ARHGAP15: variants seen among roughly 807,000 people sequenced by gnomAD.
ARHGAP15 encodes the protein rho GTPase-activating protein 15.
ARHGAP15 carries 51 observed loss-of-function variants against 63.7 expected under a neutral mutation model. That is an observed-to-expected ratio of 0.80 (90% CI 0.64 to 1.01). ARHGAP15 has a LOEUF of 1.01. ARHGAP15 is among the 50% of genes least tolerant of loss of function. The pLI, the probability that ARHGAP15 is intolerant of heterozygous loss-of-function variation, is 0.00. For missense variants in ARHGAP15, 560 were observed against 564.6 expected (o/e 0.99, Z 0.08); for synonymous variants, 191 against 193.8 (o/e 0.99, Z 0.12).
chr2:143,455,956 A>G (rs1194265690), intron 8 of ARHGAP15, among the ~76,000 whole-genome samples: 1 of 152,072 alleles, frequency 6.6e-6, no homozygotes, highest in Admixed American at 6.6e-5. Context: ...AGTAATAGAC[A>G]CAGAGTTAAA....
At chr2:143,647,655 G>C (rs550613396) in intron 12 of ARHGAP15, among the ~76,000 whole-genome samples, 2 of 152,008 alleles carry the variant, frequency 1.3e-5, no homozygotes, top group East Asian at 3.9e-4. Flanking sequence ...TCTCATTTGG[G>C]GAAAAAATTA....
chr2:143,740,870 C>T (rs1685935812), intron 13 of ARHGAP15, among the ~76,000 whole-genome samples: 1 of 152,020 alleles, frequency 6.6e-6, no homozygotes, highest in Non-Finnish European at 1.5e-5. Flanking sequence ...TTTGCAAATG[C>T]TAATACCATC....
intron 11 of ARHGAP15, among the ~76,000 whole-genome samples, chr2:143,604,905 GTTTTGTTTTTGT>G (rs780329928): frequency 6.6e-6 from 1 of 151,508 alleles, no homozygotes; most frequent in African/African-American, 2.4e-5. Context: ...GTTTTGTTTT[GTTTTGTTTTTGT>G]TTTTGTTTTT....
chr2:143,321,138 G>T (rs890251304), intron 6 of ARHGAP15, among the ~76,000 whole-genome samples: 3 of 152,178 alleles, frequency 2.0e-5, no homozygotes, highest in African/African-American at 7.2e-5. Flanking sequence ...CAGGGGAAGA[G>T]CACAGTTTCA....
chr2:143,650,457 A>G lies in ARHGAP15; in HGVS notation c.1138+26190A>G, dbSNP rs553596145. Among the ~76,000 whole-genome samples the G allele has an allele frequency of 9.2e-5, 14 of 152,016 alleles. No homozygotes were observed. The South Asian group carries it at 2.9e-3, about 31-fold the overall frequency. On this transcript the variant is annotated intron_variant, in intron 12 of 13. Transcript: ENST00000295095. Reference sequence around the variant, plus strand: ...TGTAATCATCTTTTCTGGTTCTAAAATGTGATGGTTTTATGGTGCTATACC... The same window carrying G: ...TGTAATCATCTTTTCTGGTTCTAAAGTGTGATGGTTTTATGGTGCTATACC...
intron 6 of ARHGAP15, among the ~76,000 whole-genome samples, chr2:143,307,611 G>C (rs1367649160): frequency 6.6e-6 from 1 of 151,792 alleles, no homozygotes; most frequent in South Asian, 2.1e-4. Flanking sequence ...TGATCTGGAG[G>C]TAACTGGTTA....
At chr2:143,274,689 T>C (rs1314459053) in intron 6 of ARHGAP15, among the ~76,000 whole-genome samples, 2 of 152,258 alleles carry the variant, frequency 1.3e-5, no homozygotes, top group Non-Finnish European at 2.9e-5. Context: ...CAACACATCG[T>C]GTTTATAATT....
At chr2:143,664,008 C>T (rs1365785151) in intron 12 of ARHGAP15, among the ~76,000 whole-genome samples, 2 of 151,188 alleles carry the variant, frequency 1.3e-5, no homozygotes, top group Non-Finnish European at 3.0e-5. Context: ...ATCAACGAGA[C>T]AGAAAGTCAA....
At chr2:143,765,107 A>T (rs1164521240) in intron 13 of ARHGAP15, among the ~76,000 whole-genome samples, 2 of 110,324 alleles carry the variant, frequency 1.8e-5, no homozygotes, top group African/African-American at 4.5e-5. Flanking sequence ...TGCCTCTAAA[A>T]TATGTGTGTG....
intron 6 of ARHGAP15, among the ~76,000 whole-genome samples, chr2:143,347,989 G>C (rs1277791033): frequency 6.6e-6 from 1 of 152,100 alleles, no homozygotes; most frequent in Non-Finnish European, 1.5e-5. Context: ...TAATAAATCA[G>C]AGTGATGATC....
At chr2:143,400,353 A>AT (rs1158941317) in intron 6 of ARHGAP15, among the ~76,000 whole-genome samples, 5 of 152,008 alleles carry the variant, frequency 3.3e-5, no homozygotes, top group Non-Finnish European at 7.4e-5. Flanking sequence ...AAACTACTTT[A>AT]TTTGTAAATA....
intron 13 of ARHGAP15, among the ~76,000 whole-genome samples, chr2:143,707,379 T>C (rs1156572079): frequency 1.3e-5 from 2 of 152,216 alleles, no homozygotes; most frequent in Non-Finnish European, 2.9e-5. Flanking sequence ...GATAGCATTA[T>C]TTTTAAAAGC....
intron 6 of ARHGAP15, among the ~76,000 whole-genome samples, chr2:143,268,604 G>C (rs747679502): frequency 6.6e-6 from 1 of 152,024 alleles, no homozygotes; most frequent in Non-Finnish European, 1.5e-5. Flanking sequence ...AAAATTACAC[G>C]TTAGAGTTTG....
chr2:143,544,388 T>G (rs1695234967), intron 10 of ARHGAP15, among the ~76,000 whole-genome samples: 1 of 152,186 alleles, frequency 6.6e-6, no homozygotes, highest in Admixed American at 6.5e-5. Context: ...GTATATATTA[T>G]CAAATAATTT....
intron 13 of ARHGAP15, among the ~76,000 whole-genome samples, chr2:143,744,681 C>T (rs1459687235): frequency 6.6e-6 from 1 of 152,218 alleles, no homozygotes. Flanking sequence ...TTTATAATCA[C>T]TATTGCAATA....
At chr2:143,230,910 T>C (rs1693407673) in intron 5 of ARHGAP15, among the ~76,000 whole-genome samples, 2 of 152,072 alleles carry the variant, frequency 1.3e-5, no homozygotes, top group Admixed American at 1.3e-4. Context: ...CTCCTAGGGG[T>C]CAAGACAAGC....
chr2:143,387,941 A>G (rs1473530685), intron 6 of ARHGAP15, among the ~76,000 whole-genome samples: 1 of 151,788 alleles, frequency 6.6e-6, no homozygotes, highest in Non-Finnish European at 1.5e-5. Flanking sequence ...ATGCATGCAC[A>G]TACACACACA....
chr2:143,208,576 T>C (rs974613456), intron 3 of ARHGAP15, among the ~76,000 whole-genome samples: 4 of 152,134 alleles, frequency 2.6e-5, no homozygotes, highest in African/African-American at 7.2e-5. Context: ...TGTAAATCCA[T>C]AGGGTTTCGG....
At chr2:143,628,978 G>A (rs1357343598) in intron 12 of ARHGAP15, among the ~76,000 whole-genome samples, 1 of 152,098 alleles carries the variant, frequency 6.6e-6, no homozygotes, top group Admixed American at 6.6e-5. Context: ...TCATGGAAGA[G>A]TTAAAAGGTG....
Sources: gnomAD v4.1 joint callset for allele counts (sites outside exome capture counted in the v4.1 genomes callset) on GRCh38, gnomAD v4.1.1 for gene constraint, MANE v1.5 for transcripts, NCBI Gene and HGNC (gene_info 2026-07-23, HGNC 2026-07-21) for gene names.